Variants in LILRB1 observed in about 807,000 individuals in gnomAD.
The protein encoded by LILRB1 is leukocyte immunoglobulin-like receptor subfamily B member 1.
A neutral mutation model predicts 74.6 loss-of-function variants in LILRB1; 59 were observed. The ratio of observed to expected loss-of-function variants is 0.79; its 90% CI spans 0.64 to 0.98. The LOEUF is 0.98. Among genes scored for constraint, LILRB1 ranks in the 50% least tolerant of loss-of-function variants. The pLI, the probability that LILRB1 is intolerant of heterozygous loss-of-function variation, is 0.00. For synonymous variants in LILRB1, 328 were observed against 333.9 expected, an observed-to-expected ratio of 0.98 and a Z score of 0.19; for missense variants, 804 against 822.6, an observed-to-expected ratio of 0.98 and a Z score of 0.28.
chr19:54,637,519 A>T lies in LILRB1; in HGVS notation c.*641A>T, dbSNP rs2064538975. 6.8e-6 allele frequency: 1 copy of T among 146,794 alleles called. No individual in the cohort carries two copies. The highest frequency in any genetic ancestry group is 1.5e-5 in the Non-Finnish European group (1 of 66,896). The allele number at this position is 146,794 out of a possible 1,614,324, so 9.1% of individuals were successfully genotyped here. A position where few individuals can be genotyped will look rare whatever the true frequency, so the allele number is the denominator to read the frequency against. Reference sequence around the variant, plus strand: ...CAGCCTGGCGACAGAGGGAGACTCCATCTCAAATTAAAAAAAAAAAAAAAA... The same window carrying T: ...CAGCCTGGCGACAGAGGGAGACTCCTTCTCAAATTAAAAAAAAAAAAAAAA... On this transcript the variant is annotated 3_prime_UTR_variant, in exon 15 of 15. Coordinates refer to ENST00000324602, the MANE Select transcript of LILRB1 (RefSeq NM_001081637.3).
chr19:54,635,200 C>T, intron 11 of LILRB1, 21 bp downstream of exon 11: 2 of 1,604,576 alleles, frequency 1.2e-6, no homozygotes, highest in Non-Finnish European at 1.7e-6. Flanking sequence ...CCGAAGACCC[C>T]AGACTCCCAC....
intron 9 of LILRB1, 29 bp from the exon 10 acceptor site, chr19:54,634,612 C>T (rs190928410): frequency 2.5e-6 from 4 of 1,594,552 alleles, no homozygotes; most frequent in Non-Finnish European, 3.4e-6. Flanking sequence ...AATGACATCA[C>T]CCCCATCCCT....
At chr19:54,627,391 G>C (rs948240177), upstream of LILRB1, among the ~76,000 whole-genome samples, 1 of 152,140 alleles carries the variant, frequency 6.6e-6, no homozygotes, top group Non-Finnish European at 1.5e-5. Flanking sequence ...AGATGACTTT[G>C]GTCAAGCTCA....
chr19:54,627,034 T>C (rs1291832351), upstream of LILRB1, among the ~76,000 whole-genome samples: 1 of 152,150 alleles, frequency 6.6e-6, no homozygotes, highest in Non-Finnish European at 1.5e-5. Flanking sequence ...CCAGGGTCTG[T>C]CCACAAACAC....
rs541382304 is a variant in LILRB1 at position 54,631,780 on chromosome 19, G to A, written c.351G>A (p.Val117=). 3.3e-5 allele frequency: 53 copies of A among 1,614,078 alleles called. No homozygotes were observed. In the South Asian group the frequency reaches 3.4e-4, roughly 10 times the overall value. Residue 117 remains valine (V), a synonymous_variant, in exon 4 of 15, where the codon GTG becomes GTA. Coordinates refer to ENST00000324602, the MANE Select transcript of LILRB1 (RefSeq NM_001081637.3). ...AGAGCAGTGACCCCCTGGAGCTGGT[G>A]GTGACAGGTGAGCTGACACTCAGGG... ...RSESSDPLEL[V]VTGAYIKPTL...
chr19:54,627,841 T>C (rs1354844071), upstream of LILRB1, among the ~76,000 whole-genome samples: 1 of 152,238 alleles, frequency 6.6e-6, no homozygotes, highest in Non-Finnish European at 1.5e-5. Context: ...TTTTTTTTCC[T>C]AGACCCAGTA....
intron 9 of LILRB1, chr19:54,634,432 T>C: frequency 6.6e-7 from 1 of 1,517,330 alleles, no homozygotes; most frequent in East Asian, 2.5e-5. Context: ...TTCCCAGCTC[T>C]GCCGCTTCCT....
At position 54,636,882 on chromosome 19, in the gene LILRB1, A is replaced by C. The variant is rs1555801339; in HGVS notation, c.*4A>C. 2 of 1,603,458 alleles carry C rather than the reference A, an allele frequency of 1.2e-6. No individual in the cohort carries two copies. Among genetic ancestry groups the C allele is most frequent in the Non-Finnish European group, 1.7e-6 (2 of 1,178,252 alleles). On this transcript the variant is annotated 3_prime_UTR_variant, in exon 15 of 15. Transcript: ENST00000324602. The stretch of plus-strand genomic sequence containing the variant: ...CGCCACTCTGGCCATCCACTAGCCC[A>C]GGGGGGGACGCAGACCCCACACTCC...
intron 1 of LILRB1, among the ~76,000 whole-genome samples, chr19:54,621,308 TC>T (rs773152053): frequency 4.6e-5 from 7 of 152,334 alleles, no homozygotes; most frequent in Admixed American, 2.6e-4. Context: ...TCATTTACAT[TC>T]CTACCAACCA....
Position 54,637,144 on chromosome 19 carries a change from C to A in LILRB1, c.*266C>A, listed in dbSNP as rs1363466948. On this transcript the variant is annotated 3_prime_UTR_variant, in exon 15 of 15. Transcript: ENST00000324602. ...ACTGAATCACAATGTAAATATTACA[C>A]ATCAAGCGATGAAACTGGAAAACTA... The A allele has an allele frequency of 4.4e-6, 2 of 457,290 alleles. No homozygotes were observed. Among genetic ancestry groups the A allele is most frequent in the South Asian group, 4.6e-5 (1 of 21,632 alleles). 28.3% of individuals were successfully genotyped at this position (457,290 alleles called of 1,614,324 possible).
rs1356933516 is a variant in LILRB1 at position 54,635,567 on chromosome 19, G to C, written c.1611G>C (p.Val537=). The C allele has an allele frequency of 6.2e-7, 1 of 1,613,538 alleles. No homozygotes were observed. Among genetic ancestry groups the C allele is most frequent in the Non-Finnish European group, 8.5e-7 (1 of 1,179,752 alleles). Residue 537 remains valine (V), a synonymous_variant, in exon 13 of 15, where the codon GTG becomes GTC. Coordinates refer to ENST00000324602, the MANE Select transcript of LILRB1 (RefSeq NM_001081637.3). ...DAQEENLYAA[V]KHTQPEDGVE... ...GCTCTGCCCCAGCAGATGCTGCCGT[G>C]AAGCACACACAGCCTGAGGATGGGG...
intron 8 of LILRB1, 38 bp downstream of exon 8, chr19:54,633,726 C>T: frequency 6.3e-7 from 1 of 1,597,438 alleles, no homozygotes; most frequent in Non-Finnish European, 8.5e-7. Flanking sequence ...GGGAGTGCGG[C>T]CTCCCCCAGG....
At chr19:54,619,354 G>A (rs971671961) in intron 1 of LILRB1, among the ~76,000 whole-genome samples, 3 of 152,084 alleles carry the variant, frequency 2.0e-5, no homozygotes, top group African/African-American at 7.2e-5. Context: ...GAAAGGTAGT[G>A]TAATGTAGTT....
intron 13 of LILRB1, chr19:54,635,961 G>A: frequency 5.2e-6 from 3 of 574,534 alleles, no homozygotes; most frequent in Non-Finnish European, 6.8e-6. Context: ...TGTGGATGGG[G>A]CTCCCCATGG....
At chr19:54,634,064 G>A (rs2064168256) in intron 9 of LILRB1, 43 bp downstream of exon 9, 3 of 1,564,968 alleles carry the variant, frequency 1.9e-6, no homozygotes, top group Non-Finnish European at 2.6e-6. Flanking sequence ...GGGTCCAGGG[G>A]AGGCAGGGGT....
intron 1 of LILRB1, among the ~76,000 whole-genome samples, chr19:54,623,272 G>A (rs1399874322): frequency 1.3e-5 from 2 of 152,118 alleles, no homozygotes; most frequent in Non-Finnish European, 2.9e-5. Context: ...GGCAAATTTC[G>A]ACTGTGAATC....
chr19:54,631,347 T>G (rs1306942470), intron 3 of LILRB1, 41 bp downstream of exon 3: 1 of 1,281,022 alleles, frequency 7.8e-7, no homozygotes, highest in Non-Finnish European at 1.1e-6. Context: ...TCCTCCTCAC[T>G]GGGGACAAGG....
At position 54,631,323 on chromosome 19, in the gene LILRB1, CT is replaced by C; in HGVS notation, c.70+18del. The C allele has an allele frequency of 6.2e-7, 1 of 1,613,482 alleles. No homozygotes were observed. The highest frequency in any genetic ancestry group is 2.2e-5 in the East Asian group (1 of 44,878). On this transcript the variant is annotated intron_variant, in intron 3 of 14. Coordinates refer to ENST00000324602, the MANE Select transcript of LILRB1 (RefSeq NM_001081637.3). ...TGCAGGCAGGTGAGTCTGTCCCCAGCTCTTCCAGGTCCCTCCTCCTCACTGG... is the reference window on the plus strand; with the variant it reads ...TGCAGGCAGGTGAGTCTGTCCCCAGCCTTCCAGGTCCCTCCTCCTCACTGG...
upstream of LILRB1, chr19:54,630,357 G>C: frequency 8.0e-6 from 1 of 125,000 alleles, no homozygotes; most frequent in Non-Finnish European, 1.6e-5. Context: ...ATTTGTTCCC[G>C]GGGGGTGGGG....
Sources: gnomAD v4.1 joint callset for allele counts (sites outside exome capture counted in the v4.1 genomes callset) on GRCh38, gnomAD v4.1.1 for gene constraint, MANE v1.5 for transcripts, NCBI Gene and HGNC (gene_info 2026-07-23, HGNC 2026-07-21) for gene names.